The following WWOX variants were observed in gnomAD, a reference collection of about 807,000 sequenced individuals.
WWOX encodes the protein WW domain containing oxidoreductase.
WWOX carries 69 observed loss-of-function variants against 46.2 expected under a neutral mutation model. The ratio of observed to expected loss-of-function variants is 1.49; its 90% CI spans 1.23 to 1.82. WWOX has a LOEUF of 1.82. WWOX is among the 40% of genes most tolerant of loss of function. WWOX has a pLI of 0.00. For missense variants in WWOX, 919 were observed against 542.6 expected (o/e 1.69, Z -6.89); for synonymous variants, 359 against 202.6 (o/e 1.77, Z -6.56).
At chr16:78,431,410 C>G (rs2083214228) in intron 7 of WWOX, among the ~76,000 whole-genome samples, 1 of 152,144 alleles carries the variant, frequency 6.6e-6, no homozygotes, top group Non-Finnish European at 1.5e-5. Context: ...CAAGACTCAT[C>G]TATAATTTCT....
intron 8 of WWOX, among the ~76,000 whole-genome samples, chr16:78,494,631 G>A (rs970291638): frequency 2.0e-5 from 3 of 152,124 alleles, no homozygotes; most frequent in Non-Finnish European, 4.4e-5. Context: ...CAGGTACCTT[G>A]GAAAGACTGC....
chr16:78,708,532 C>G (rs990303101), intron 8 of WWOX, among the ~76,000 whole-genome samples: 2 of 152,142 alleles, frequency 1.3e-5, no homozygotes, highest in Non-Finnish European at 2.9e-5. Flanking sequence ...TTTGCATACT[C>G]TGTTGCTTAT....
rs558959274 is a variant in WWOX, at chr16:78,374,751, C to T, written c.517-12109C>T. On this transcript the variant is annotated intron_variant, in intron 5 of 8. Transcript: ENST00000566780. ...ATTATTAGTAGAGATGGGGTTTCAC[C>T]GTGTTAGCCAGGATGGTCTTGATCT... is the stretch of plus-strand genomic sequence containing the variant. 3.4e-4 allele frequency among the ~76,000 whole-genome samples: 52 copies of T among 151,974 alleles called. 1 individual carries two copies. The highest frequency in any genetic ancestry group is 1.1e-3 in the African/African-American group (46 of 41,490).
intron 8 of WWOX, among the ~76,000 whole-genome samples, chr16:78,917,974 G>C (rs1567648089): frequency 1.3e-5 from 2 of 152,150 alleles, no homozygotes; most frequent in Admixed American, 6.5e-5. Flanking sequence ...AGTTGAGGCA[G>C]GAGGGCCACT....
intron 8 of WWOX, among the ~76,000 whole-genome samples, chr16:79,182,415 T>G (rs927896737): frequency 3.9e-5 from 6 of 152,122 alleles, no homozygotes; most frequent in African/African-American, 1.4e-4. Flanking sequence ...CCTTATCCCG[T>G]TAATATATGT....
intron 5 of WWOX, chr16:78,278,599 A>C (rs1018214200): frequency 3.1e-6 from 5 of 1,608,340 alleles, no homozygotes; most frequent in Non-Finnish European, 4.3e-6. Flanking sequence ...TTTGTATCTT[A>C]CAGAAAACAA....
chr16:78,988,747 G>C (rs746521891), intron 8 of WWOX, among the ~76,000 whole-genome samples: 1 of 152,200 alleles, frequency 6.6e-6, no homozygotes, highest in Non-Finnish European at 1.5e-5. Context: ...TGTCAAGTTA[G>C]TTTCTTCCCA....
At chr16:78,445,729 T>C (rs191874045) in intron 8 of WWOX, among the ~76,000 whole-genome samples, 134 of 152,160 alleles carry the variant, frequency 8.8e-4, no homozygotes, top group African/African-American at 3.1e-3. Flanking sequence ...TACAAAAATA[T>C]TATCTGGGTG....
intron 8 of WWOX, chr16:78,873,183 G>A (rs1258630777): frequency 6.6e-6 from 1 of 152,122 alleles, no homozygotes; most frequent in African/African-American, 2.4e-5. Flanking sequence ...AAAAATTTGA[G>A]TCGTGCACTT....
chr16:78,375,549 A>T (rs1260530155), intron 5 of WWOX, among the ~76,000 whole-genome samples: 1 of 152,224 alleles, frequency 6.6e-6, no homozygotes, highest in Admixed American at 6.5e-5. Flanking sequence ...AATTTACGAT[A>T]AATGTCAGTG....
intron 8 of WWOX, among the ~76,000 whole-genome samples, chr16:78,624,257 G>A (rs1246260715): frequency 6.7e-6 from 1 of 149,284 alleles, no homozygotes; most frequent in Non-Finnish European, 1.5e-5. Flanking sequence ...AACTCCCTGG[G>A]TGCCCCAGCA....
chr16:79,047,472 C>G (rs1247180622), intron 8 of WWOX, among the ~76,000 whole-genome samples: 1 of 152,090 alleles, frequency 6.6e-6, no homozygotes. Flanking sequence ...TTTATGAAAG[C>G]CTGGCATATA....
chr16:78,721,959 A>G (rs1433851441), intron 8 of WWOX, among the ~76,000 whole-genome samples: 1 of 152,256 alleles, frequency 6.6e-6, no homozygotes. Context: ...CTTTTTGCCT[A>G]TTAAGCAGCC....
intron 4 of WWOX, chr16:78,124,063 G>T (rs1226411242): frequency 6.6e-6 from 1 of 152,068 alleles, no homozygotes; most frequent in African/African-American, 2.4e-5. Context: ...CTGTCAAATA[G>T]AAATTTGGCC....
At chr16:78,448,856 C>T (rs561464846) in intron 8 of WWOX, among the ~76,000 whole-genome samples, 202 of 152,112 alleles carry the variant, frequency 1.3e-3, no homozygotes, top group African/African-American at 4.8e-3. Flanking sequence ...ACTGTCTTGG[C>T]GCTGGTGAGG....
intron 8 of WWOX, among the ~76,000 whole-genome samples, chr16:78,560,382 C>G (rs745965084): frequency 3.9e-5 from 6 of 152,172 alleles, no homozygotes; most frequent in Admixed American, 6.5e-5. Flanking sequence ...GTGGCTCACG[C>G]CTGTAATCCC....
chr16:78,980,422 C>G (rs377132809), intron 8 of WWOX, among the ~76,000 whole-genome samples: 6 of 152,184 alleles, frequency 3.9e-5, no homozygotes, highest in Non-Finnish European at 8.8e-5. Context: ...CAAGTCTACA[C>G]GATACCACTT....
intron 8 of WWOX, among the ~76,000 whole-genome samples, chr16:78,702,764 T>A (rs1343778379): frequency 1.3e-5 from 2 of 152,124 alleles, no homozygotes; most frequent in East Asian, 1.9e-4. Flanking sequence ...GGAAGCAGAT[T>A]TGTCTGCACA....
chr16:79,064,239 A>G (rs951644318), intron 8 of WWOX, among the ~76,000 whole-genome samples: 1 of 152,238 alleles, frequency 6.6e-6, no homozygotes, highest in Non-Finnish European at 1.5e-5. Flanking sequence ...GTTGTAATAC[A>G]AGGCAAAGAA....
Sources: allele counts gnomAD v4.1 joint callset (sites outside exome capture counted in the v4.1 genomes callset), GRCh38; gene constraint gnomAD v4.1.1; transcripts MANE v1.5; gene names NCBI Gene and HGNC (gene_info 2026-07-23, HGNC 2026-07-21).